Variants in ARFGEF3 observed in about 807,000 individuals in gnomAD.
The protein encoded by ARFGEF3 is brefeldin A-inhibited guanine nucleotide-exchange protein 3.
ARFGEF3 carries 96 observed loss-of-function variants against 221.7 expected under a neutral mutation model. The observed-to-expected ratio is 0.43, with a 90% confidence interval of 0.37 to 0.51. The LOEUF is 0.51. Ranked by LOEUF, ARFGEF3 falls within the 20% of genes least tolerant of loss-of-function variation. The probability of loss-of-function intolerance (pLI) is 0.00; values close to 1 mark genes in which losing one functional copy is unlikely to be tolerated. For synonymous variants in ARFGEF3, 1,145 were observed against 1,126.8 expected (o/e 1.02, Z -0.32); for missense variants, 2,410 against 2,789.9 (o/e 0.86, Z 3.07).
At position 138,245,551 on chromosome 6, in the gene ARFGEF3, G is replaced by C; in HGVS notation, c.625G>C (p.Val209Leu). The C allele has an allele frequency of 6.2e-7, 1 of 1,610,716 alleles. No homozygotes were observed. Among genetic ancestry groups the C allele is most frequent in the South Asian group, 1.1e-5 (1 of 90,022 alleles). ...VESLCDDVVSVLTVLCEKLQA... is the reference protein window; with the variant it reads ...VESLCDDVVSLLTVLCEKLQA... ...GTCCCTCTGTGATGATGTTGTCTCT[G>C]TACTCACCGTCCTGTGTGAGAAGCT... The change falls in exon 8 of 34, where the codon GTA becomes CTA. Residue 209 changes from valine to leucine, a missense_variant. By Grantham distance (32) the Val-to-Leu change is conservative. Transcript: ENST00000251691.
chr6:138,278,468 G>A lies in ARFGEF3; in HGVS notation c.2146G>A (p.Gly716Ser). 1.2e-6 allele frequency: 2 copies of A among 1,613,924 alleles called. No individual in the cohort carries two copies. Among genetic ancestry groups the A allele is most frequent in the East Asian group, 2.2e-5 (1 of 44,878 alleles). The change falls in exon 13 of 34, where the codon GGC becomes AGC. Residue 716 changes from glycine (G) to serine (S), a missense_variant. Gly to Ser is a moderately conservative substitution (Grantham distance 56). This residue lies in a region of ARFGEF3 where 594 missense variants were observed against 734.3 expected (regional missense o/e 0.81). Transcript: ENST00000251691. ...TCCCTTAGGCATGATGCACTCTCCT[G>A]GCTTTGACGGGAATAGCAGCCTCAG... ...TFCSGMMHSP[G>S]FDGNSSLSFQ...
chr6:138,167,146 C>A (rs977047273), intron 1 of ARFGEF3, among the ~76,000 whole-genome samples: 1 of 152,176 alleles, frequency 6.6e-6, no homozygotes, highest in African/African-American at 2.4e-5. Context: ...TCTATGATCA[C>A]ACCCTACCAG....
intron 11 of ARFGEF3, 136 bp downstream of exon 11, chr6:138,261,775 A>G (rs1389365999): frequency 2.3e-6 from 1 of 438,600 alleles, no homozygotes; most frequent in Non-Finnish European, 4.1e-6. Flanking sequence ...CCCACAAGCT[A>G]CATGAGAAGA....
chr6:138,320,067 T>C (rs1335694001), intron 28 of ARFGEF3, among the ~76,000 whole-genome samples, 188 bp downstream of exon 28: 1 of 152,200 alleles, frequency 6.6e-6, no homozygotes, highest in Non-Finnish European at 1.5e-5. Flanking sequence ...TTCATACCCA[T>C]GTGTCTTCTA....
In ARFGEF3 at chr6:138,162,480, A is replaced by T. The variant is rs1776638693; in HGVS notation, c.85+309A>T. Among the ~76,000 whole-genome samples the T allele has an allele frequency of 6.6e-6, 1 of 152,100 alleles. No homozygotes were observed. The highest frequency in any genetic ancestry group is 2.4e-5 in the African/African-American group (1 of 41,402). ...CTTCCCCATCGCCGAGTTAGGCAGGACCCGGAGCCGGTGCGAATCCTGGGG... is the reference window on the plus strand; with the variant it reads ...CTTCCCCATCGCCGAGTTAGGCAGGTCCCGGAGCCGGTGCGAATCCTGGGG... On this transcript the variant is annotated intron_variant, in intron 1 of 33. Coordinates refer to ENST00000251691, the MANE Select transcript of ARFGEF3 (RefSeq NM_020340.5). This position sits in a 1 kb window ranked among gnomAD's most constrained non-coding sequence, Gnocchi z 4.7.
chr6:138,229,667 T>G, intron 4 of ARFGEF3, 117 bp from the exon 5 acceptor site: 2 of 771,440 alleles, frequency 2.6e-6, no homozygotes, highest in South Asian at 3.2e-5. Flanking sequence ...AAATATTAGG[T>G]AAAGCAAATA....
At chr6:138,205,908 A>G (rs188613963) in intron 2 of ARFGEF3, among the ~76,000 whole-genome samples, 7 of 152,366 alleles carry the variant, frequency 4.6e-5, no homozygotes, top group African/African-American at 1.4e-4. Context: ...GAAGGATTCC[A>G]TGGAAAAGCA....
intron 14 of ARFGEF3, among the ~76,000 whole-genome samples, chr6:138,282,317 C>G (rs1343537247): frequency 1.3e-5 from 2 of 152,182 alleles, no homozygotes; most frequent in Non-Finnish European, 2.9e-5. Context: ...AGGTGCAGAG[C>G]AAGGCCCTGC....
Position 138,334,348 on chromosome 6 carries a change from C to T in ARFGEF3, c.5502C>T (p.Ala1834=), listed in dbSNP as rs998765524. ...TCACCAATCAAGAAACCATCACGGC[C>T]GAGCAAGTGAAGAAGGTCCTTTTTG... ...AVLTNQETIT[A]EQVKKVLFED... The change falls in exon 33 of 34, where the codon GCC becomes GCT. Residue 1834 remains alanine, a synonymous_variant. Transcript: ENST00000251691. The surrounding 1 kb of genome is among the most constrained non-coding windows in gnomAD (Gnocchi z 5.1). 9.9e-6 allele frequency: 16 copies of T among 1,613,650 alleles called. No homozygotes were observed. Among genetic ancestry groups the T allele is most frequent in the Middle Eastern group, 1.6e-4 (1 of 6,084 alleles).
Position 138,229,814 on chromosome 6 carries a change from T to C in ARFGEF3, c.382T>C (p.Phe128Leu). 6.2e-7 allele frequency: 1 copy of C among 1,613,750 alleles called. No homozygotes were observed. Among genetic ancestry groups the C allele is most frequent in the Non-Finnish European group, 8.5e-7 (1 of 1,179,706 alleles). Reference sequence around the variant, plus strand: ...ACTATGCATCACCTACACGCCAACATTTGATCTGAATGGGAGTGCCGTGCT... The same window carrying C: ...ACTATGCATCACCTACACGCCAACACTTGATCTGAATGGGAGTGCCGTGCT... ...VLLCITYTPT[F>L]DLNGSAVLKI... The change falls in exon 5 of 34, where the codon TTT becomes CTT. Residue 128 changes from phenylalanine (F) to leucine (L), a missense_variant. Phe to Leu is a conservative substitution (Grantham distance 22, BLOSUM62 0). This residue lies in a region of ARFGEF3 where 570 missense variants were observed against 586.9 expected (regional missense o/e 0.97). Transcript: ENST00000251691.
chr6:138,179,947 C>T (rs961740113), intron 2 of ARFGEF3, among the ~76,000 whole-genome samples: 2 of 152,276 alleles, frequency 1.3e-5, no homozygotes, highest in East Asian at 1.9e-4. Flanking sequence ...GTAGCTAGGA[C>T]TACAGGTGTA....
chr6:138,182,242 C>T (rs1222578032), intron 2 of ARFGEF3, among the ~76,000 whole-genome samples: 1 of 152,184 alleles, frequency 6.6e-6, no homozygotes, highest in African/African-American at 2.4e-5. Context: ...GGTATTAGCT[C>T]TCCAATTATT....
intron 4 of ARFGEF3, among the ~76,000 whole-genome samples, chr6:138,225,860 T>C (rs1393437769): frequency 1.3e-5 from 2 of 152,240 alleles, no homozygotes; most frequent in Non-Finnish European, 2.9e-5. Flanking sequence ...CAAATGAGAC[T>C]TGTGTAGCTT....
chr6:138,286,209 G>A (rs1450508759), intron 15 of ARFGEF3, among the ~76,000 whole-genome samples, 156 bp downstream of exon 15: 1 of 152,210 alleles, frequency 6.6e-6, no homozygotes, highest in Non-Finnish European at 1.5e-5. Context: ...CCAGCACTTT[G>A]GGAGGCCGAG....
At chr6:138,306,624 A>T (rs1779727362) in intron 22 of ARFGEF3, among the ~76,000 whole-genome samples, 1 of 152,236 alleles carries the variant, frequency 6.6e-6, no homozygotes, top group African/African-American at 2.4e-5. Context: ...GAACTGAAGA[A>T]TATAGAAATA....
Position 138,171,852 on chromosome 6 carries a change from T to C in ARFGEF3, c.137+1139T>C, listed in dbSNP as rs183737129. ...TAAAATGTTACATATACTTCCATTA[T>C]ATGGCTGTAGCATAATTCATTTAGC... On this transcript the variant is annotated intron_variant, in intron 2 of 33. Transcript: ENST00000251691. 4.7e-4 allele frequency among the ~76,000 whole-genome samples: 72 copies of C among 152,346 alleles called. 1 individual carries two copies. In the East Asian group the frequency reaches 0.013, roughly 28 times the overall value.
In ARFGEF3 at chr6:138,339,202, A is replaced by C. The variant is rs576386095; in HGVS notation, c.*2716A>C. ...AGTAGTCTCTAATGAGTAGGCATTCAGGTGGTTCTTCCCAGCAGGTGGAGA... is the reference window on the plus strand; with the variant it reads ...AGTAGTCTCTAATGAGTAGGCATTCCGGTGGTTCTTCCCAGCAGGTGGAGA... On this transcript the variant is annotated 3_prime_UTR_variant, in exon 34 of 34. Transcript: ENST00000251691. The C allele has an allele frequency of 6.6e-6, 1 of 152,404 alleles. No individual in the cohort carries two copies. Among genetic ancestry groups the C allele is most frequent in the South Asian group, 2.1e-4 (1 of 4,822 alleles). 9.4% of individuals were successfully genotyped at this position (152,404 alleles called of 1,614,324 possible). A position where few individuals can be genotyped will look rare whatever the true frequency, so the allele number is the denominator to read the frequency against.
intron 1 of ARFGEF3, among the ~76,000 whole-genome samples, chr6:138,167,914 C>G (rs1776752809): frequency 6.6e-6 from 1 of 152,198 alleles, no homozygotes; most frequent in Admixed American, 6.5e-5. Context: ...CCTACCTGCC[C>G]CACAGCCTTG....
At chr6:138,219,287 C>T (rs192661028) in intron 4 of ARFGEF3, among the ~76,000 whole-genome samples, 2 of 152,106 alleles carry the variant, frequency 1.3e-5, no homozygotes. Flanking sequence ...GGGATGGAAA[C>T]TGAGATTAGT....
Sources: allele counts gnomAD v4.1 joint callset (sites outside exome capture counted in the v4.1 genomes callset), GRCh38; gene constraint gnomAD v4.1.1; regional missense constraint gnomAD v4.1.1; non-coding constraint Gnocchi (gnomAD v3.1); transcripts MANE v1.5; gene names NCBI Gene and HGNC (gene_info 2026-07-23, HGNC 2026-07-21).